The following NELL1 variants were observed in gnomAD, a reference collection of about 807,000 sequenced individuals.
The protein encoded by NELL1 is neural EGFL like 1.
Under a neutral mutation model 107.4 loss-of-function variants are expected in NELL1, and 76 were observed. The ratio of observed to expected loss-of-function variants is 0.71; its 90% CI spans 0.59 to 0.86. NELL1 has a LOEUF of 0.86. Ranked by LOEUF, NELL1 falls within the 40% of genes least tolerant of loss-of-function variation. The pLI is 0.00. For synonymous variants in NELL1, 353 were observed against 341.2 expected (o/e 1.03, Z -0.38); for missense variants, 1,024 against 1,005.5 (o/e 1.02, Z -0.25).
chr11:21,350,066 AC>A lies in NELL1; in HGVS notation c.1550-20786del, dbSNP rs1166999314. On this transcript the variant is annotated intron_variant, in intron 14 of 19. Transcript: ENST00000357134. Reference sequence around the variant, plus strand: ...AGCAGTCATGCTTGGGAGGCTTCAAACTTTTATATCCAGTGATCATCACATC... The same window carrying A: ...AGCAGTCATGCTTGGGAGGCTTCAAATTTTATATCCAGTGATCATCACATC... Among the ~76,000 whole-genome samples, 5 of 152,144 alleles carry A rather than the reference AC, an allele frequency of 3.3e-5. No homozygotes were observed. The East Asian group carries it at 9.6e-4, about 29-fold the overall frequency.
intron 2 of NELL1, among the ~76,000 whole-genome samples, chr11:20,727,996 T>C (rs1855546660): frequency 6.6e-6 from 1 of 152,238 alleles, no homozygotes; most frequent in Admixed American, 6.5e-5. Context: ...ATAATAGTTA[T>C]TCTAACTGGT....
At chr11:21,230,607 A>G (rs1453813768) in intron 14 of NELL1, among the ~76,000 whole-genome samples, 1 of 152,242 alleles carries the variant, frequency 6.6e-6, no homozygotes, top group Non-Finnish European at 1.5e-5. Flanking sequence ...AACTTGCCCA[A>G]AGATACATAG....
chr11:21,337,738 T>TTCTTTCTTTCTTTCTC, intron 14 of NELL1, among the ~76,000 whole-genome samples: 1 of 61,052 alleles, frequency 1.6e-5, no homozygotes. Flanking sequence ...TTTCTTTCCT[T>TTCTTTCTTTCTTTCTC]TCTTTCTTTC....
chr11:20,737,297 A>G (rs1295784530), intron 2 of NELL1, among the ~76,000 whole-genome samples: 5 of 152,150 alleles, frequency 3.3e-5, no homozygotes, highest in African/African-American at 1.2e-4. Flanking sequence ...ACAGGGGTAC[A>G]TCAAGGTGGC....
At chr11:21,253,922 G>T (rs972632376) in intron 14 of NELL1, among the ~76,000 whole-genome samples, 1 of 152,124 alleles carries the variant, frequency 6.6e-6, no homozygotes, top group Non-Finnish European at 1.5e-5. Context: ...CAACCTCTTA[G>T]TTTAAATTTG....
intron 13 of NELL1, among the ~76,000 whole-genome samples, chr11:21,228,462 A>G (rs908617663): frequency 6.6e-6 from 1 of 152,140 alleles, no homozygotes; most frequent in Admixed American, 6.5e-5. Context: ...AAACTGCTGA[A>G]GGCCCTTAAA....
chr11:21,101,412 A>G (rs1854808476), intron 12 of NELL1, among the ~76,000 whole-genome samples: 1 of 152,226 alleles, frequency 6.6e-6, no homozygotes, highest in Non-Finnish European at 1.5e-5. Flanking sequence ...AGGAAATGCC[A>G]CACTGACTTC....
intron 15 of NELL1, among the ~76,000 whole-genome samples, chr11:21,460,616 A>T (rs1853877067): frequency 6.6e-6 from 1 of 152,102 alleles, no homozygotes. Context: ...GAGAGCATTG[A>T]TTTTAAGAAT....
intron 14 of NELL1, among the ~76,000 whole-genome samples, chr11:21,312,845 T>A (rs1849778838): frequency 6.6e-6 from 1 of 152,166 alleles, no homozygotes; most frequent in African/African-American, 2.4e-5. Context: ...TAAATGTCAC[T>A]GCATTTAATG....
chr11:21,426,914 T>C (rs1276864822), intron 15 of NELL1, among the ~76,000 whole-genome samples: 1 of 151,986 alleles, frequency 6.6e-6, no homozygotes, highest in African/African-American at 2.4e-5. Flanking sequence ...ATATGGAGCT[T>C]ATGGGAGAAT....
intron 16 of NELL1, among the ~76,000 whole-genome samples, chr11:21,554,770 A>C (rs962836346): frequency 3.3e-5 from 5 of 151,838 alleles, no homozygotes; most frequent in African/African-American, 1.2e-4. Flanking sequence ...ATGTTAGGTA[A>C]ATTTTTAGAG....
At position 21,500,521 on chromosome 11, in the gene NELL1, A is replaced by G. The variant is rs1046711973; in HGVS notation, c.1646-33853A>G. 8.5e-5 allele frequency among the ~76,000 whole-genome samples: 13 copies of G among 152,050 alleles called. No homozygotes were observed. The East Asian group carries it at 2.5e-3, about 29-fold the overall frequency. ...CTTTATGACTTTAATATTTTATTTC[A>G]CCACAATATTTATAATCAGTTTGAC... On this transcript the variant is annotated intron_variant, in intron 15 of 19. Transcript: ENST00000357134.
intron 13 of NELL1, among the ~76,000 whole-genome samples, chr11:21,134,026 C>G (rs953658480): frequency 1.3e-5 from 2 of 152,262 alleles, no homozygotes; most frequent in Non-Finnish European, 2.9e-5. Flanking sequence ...CAGCTGCCAT[C>G]AGGATCATGA....
At chr11:21,174,456 A>C (rs1193250468) in intron 13 of NELL1, among the ~76,000 whole-genome samples, 3 of 151,854 alleles carry the variant, frequency 2.0e-5, no homozygotes, top group African/African-American at 7.3e-5. Context: ...CTTGATATAT[A>C]AAATTGAAAT....
chr11:21,449,591 A>G (rs1269893948), intron 15 of NELL1, among the ~76,000 whole-genome samples: 2 of 152,144 alleles, frequency 1.3e-5, no homozygotes, highest in African/African-American at 4.8e-5. Flanking sequence ...TTTATAGATT[A>G]TGTTTTTGTG....
At chr11:21,142,184 C>T in intron 13 of NELL1, among the ~76,000 whole-genome samples, 1 of 152,194 alleles carries the variant, frequency 6.6e-6, no homozygotes, top group East Asian at 1.9e-4. Flanking sequence ...ATTCTACCAG[C>T]TGGGGGCGTC....
At chr11:21,363,463 C>T (rs1851133136) in intron 14 of NELL1, among the ~76,000 whole-genome samples, 1 of 152,150 alleles carries the variant, frequency 6.6e-6, no homozygotes, top group African/African-American at 2.4e-5. Flanking sequence ...ACCTGTTTCA[C>T]AGAATTTGCT....
chr11:21,287,164 A>G (rs1176054683), intron 14 of NELL1, among the ~76,000 whole-genome samples: 2 of 152,240 alleles, frequency 1.3e-5, no homozygotes, highest in African/African-American at 4.8e-5. Context: ...AAAGCAAATC[A>G]TATCTGCTGA....
At chr11:21,565,309 C>T (rs1856944691) in intron 17 of NELL1, among the ~76,000 whole-genome samples, 1 of 151,908 alleles carries the variant, frequency 6.6e-6, no homozygotes, top group South Asian at 2.1e-4. Context: ...ATTTCCCTGA[C>T]TCTTTCCCCT....
Sources: allele counts gnomAD v4.1 joint callset (sites outside exome capture counted in the v4.1 genomes callset), GRCh38; gene constraint gnomAD v4.1.1; transcripts MANE v1.5; gene names NCBI Gene and HGNC (gene_info 2026-07-23, HGNC 2026-07-21).